The following ANKRD40 variants were observed in gnomAD, a reference collection of about 807,000 sequenced individuals.
ANKRD40 encodes ankyrin repeat domain 40, also known as ankyrin repeat domain-containing protein 40.
In ANKRD40, 24 loss-of-function variants were observed where a neutral mutation model predicts 35.5. The ratio of observed to expected loss-of-function variants is 0.68; its 90% CI spans 0.49 to 0.95. The LOEUF (loss-of-function observed/expected upper bound fraction) is 0.95, where lower values mean the gene tolerates loss of function less well. Ranked by LOEUF, ANKRD40 falls within the 40% of genes least tolerant of loss-of-function variation. ANKRD40 has a pLI of 0.00. For missense variants in ANKRD40, 361 were observed against 436.0 expected, an observed-to-expected ratio of 0.83 and a Z score of 1.53; for synonymous variants, 147 against 173.5, an observed-to-expected ratio of 0.85 and a Z score of 1.20.
chr17:50,700,219 G>A (rs1013117185), intron 2 of ANKRD40: 6 of 262,670 alleles, frequency 2.3e-5, no homozygotes, highest in South Asian at 9.8e-5. Flanking sequence ...TGAGGCTGGC[G>A]GATCACCTGA....
In ANKRD40 at chr17:50,707,440, G is replaced by C; in HGVS notation, c.134+81C>G. 6.5e-7 allele frequency: 1 copy of C among 1,534,992 alleles called. No individual in the cohort carries two copies. The highest frequency in any genetic ancestry group is 8.8e-7 in the Non-Finnish European group (1 of 1,140,428). On this transcript the variant is annotated intron_variant, in intron 1 of 4. Transcript: ENST00000285243. The surrounding 1 kb of genome is among the most constrained non-coding windows in gnomAD (Gnocchi z 4.8). ...GCCTCGCCGTAGCCAGGCGTCCCGC[G>C]CTGGGCCCAGGTCGCGACTGACTGC...
rs1361512798 is a variant in ANKRD40 at position 50,707,868 on chromosome 17, C to G, written c.-214G>C. 6.0e-6 allele frequency: 1 copy of G among 165,900 alleles called. No individual in the cohort carries two copies. Among genetic ancestry groups the G allele is most frequent in the Non-Finnish European group, 1.3e-5 (1 of 79,238 alleles). The allele number at this position is 165,900 out of a possible 1,614,324, so 10.3% of individuals were successfully genotyped here. A position where few individuals can be genotyped will look rare whatever the true frequency, so the allele number is the denominator to read the frequency against. ...GCTCCCGGCCCGCAGGCCCAGGCCT[C>G]CTCCCGGGCCGCGCCTCCCGAAGGC... is the stretch of plus-strand genomic sequence containing the variant. On this transcript the variant is annotated 5_prime_UTR_variant, in exon 1 of 5. Coordinates refer to ENST00000285243, the MANE Select transcript of ANKRD40 (RefSeq NM_052855.4). The surrounding 1 kb of genome is among the most constrained non-coding windows in gnomAD (Gnocchi z 4.8).
chr17:50,706,903 CAAAAAA>C (rs35024672), intron 1 of ANKRD40, among the ~76,000 whole-genome samples: 111 of 37,976 alleles, frequency 2.9e-3, no homozygotes, highest in African/African-American at 7.3e-3. Context: ...GACCCTGTCT[CAAAAAA>C]AAAAAAAAAA....
chr17:50,695,563 A>G lies in ANKRD40; in HGVS notation c.*434T>C, dbSNP rs114631536. On this transcript the variant is annotated 3_prime_UTR_variant, in exon 5 of 5. Transcript: ENST00000285243. ...GTGCTTTCCCGAGTCTTCCTCTCTC[A>G]TAAGTTCCCAATGTCAGCAGAGTTG... 981 of 156,402 alleles carry G rather than the reference A, an allele frequency of 6.3e-3. 10 individuals carry two copies. The highest frequency in any genetic ancestry group is 0.023 in the African/African-American group (949 of 41,590). 9.7% of individuals were successfully genotyped at this position (156,402 alleles called of 1,614,324 possible).
chr17:50,702,157 C>T (rs920114717), intron 1 of ANKRD40, among the ~76,000 whole-genome samples: 2 of 152,132 alleles, frequency 1.3e-5, no homozygotes, highest in African/African-American at 4.8e-5. Flanking sequence ...GTAATCCCAG[C>T]ACTTAGGGAG....
At chr17:50,696,724 C>T in intron 4 of ANKRD40, 1 of 383,178 alleles carries the variant, frequency 2.6e-6, no homozygotes, top group Non-Finnish European at 4.5e-6. Flanking sequence ...TGTCTTTGTT[C>T]CTTCTCCACT....
At chr17:50,705,686 G>A (rs1968327012) in intron 1 of ANKRD40, among the ~76,000 whole-genome samples, 1 of 142,132 alleles carries the variant, frequency 7.0e-6, no homozygotes, top group South Asian at 2.2e-4. Flanking sequence ...TTTTGAGACA[G>A]AGTCTCGCTC....
intron 1 of ANKRD40, among the ~76,000 whole-genome samples, chr17:50,704,930 C>T (rs899711788): frequency 2.0e-5 from 3 of 151,626 alleles, no homozygotes; most frequent in Admixed American, 1.3e-4. Context: ...CTGGCTAACA[C>T]GGTGAAACCC....
At chr17:50,696,794 T>G in intron 4 of ANKRD40, 146 bp downstream of exon 4, 1 of 765,498 alleles carries the variant, frequency 1.3e-6, no homozygotes, top group Non-Finnish European at 1.9e-6. Context: ...ATAGACTCAG[T>G]AGAAGGAAAT....
chr17:50,704,022 T>C (rs984615654), intron 1 of ANKRD40, among the ~76,000 whole-genome samples: 3 of 151,744 alleles, frequency 2.0e-5, no homozygotes, highest in Admixed American at 2.0e-4. Flanking sequence ...GCTCATAGAA[T>C]TGGCTGACTG....
rs985691165 is a variant in ANKRD40, at chr17:50,693,986, T to A, written c.*2011A>T. ...TCTCTACTAAAATACAGAAATTAGC[T>A]GGGCATGGTGGCACATGCTTGTAAT... On this transcript the variant is annotated 3_prime_UTR_variant, in exon 5 of 5. Coordinates refer to ENST00000285243, the MANE Select transcript of ANKRD40 (RefSeq NM_052855.4). 9 of 151,694 alleles carry A rather than the reference T, an allele frequency of 5.9e-5. No individual in the cohort carries two copies. Among genetic ancestry groups the A allele is most frequent in the Non-Finnish European group, 5.9e-5 (4 of 67,958 alleles). 9.4% of individuals were successfully genotyped at this position (151,694 alleles called of 1,614,324 possible). A position where few individuals can be genotyped will look rare whatever the true frequency, so the allele number is the denominator to read the frequency against.
Position 50,707,483 on chromosome 17 carries a change from G to A in ANKRD40, c.134+38C>T. 1 of 1,588,836 alleles carries A rather than the reference G, an allele frequency of 6.3e-7. No homozygotes were observed. Among genetic ancestry groups the A allele is most frequent in the Non-Finnish European group, 8.6e-7 (1 of 1,167,916 alleles). On this transcript the variant is annotated intron_variant, in intron 1 of 4. Coordinates refer to ENST00000285243, the MANE Select transcript of ANKRD40 (RefSeq NM_052855.4). This position sits in a 1 kb window ranked among gnomAD's most constrained non-coding sequence, Gnocchi z 4.8. Reference sequence around the variant, plus strand: ...CTGACTGCCCCACGCCTTCCGACCGGCTGCCCTGACCCTAGGCCTCCCCCG... The same window carrying A: ...CTGACTGCCCCACGCCTTCCGACCGACTGCCCTGACCCTAGGCCTCCCCCG...
At chr17:50,702,492 C>T (rs1198914391) in intron 1 of ANKRD40, among the ~76,000 whole-genome samples, 2 of 151,918 alleles carry the variant, frequency 1.3e-5, no homozygotes, top group East Asian at 3.9e-4. Flanking sequence ...TCTGGGCAAA[C>T]TGGAACCTTG....
rs1405538733 is a variant in ANKRD40 at position 50,693,433 on chromosome 17, T to A, written c.*2564A>T. On this transcript the variant is annotated 3_prime_UTR_variant, in exon 5 of 5. Coordinates refer to ENST00000285243, the MANE Select transcript of ANKRD40 (RefSeq NM_052855.4). The stretch of plus-strand genomic sequence containing the variant: ...CATAGATTAAGACTTTAAACTCACC[T>A]ACCAGCAACTGTGCAGTCTTATTCC... 6.6e-6 allele frequency: 1 copy of A among 152,252 alleles called. No homozygotes were observed. The highest frequency in any genetic ancestry group is 1.5e-5 in the Non-Finnish European group (1 of 68,048). 9.4% of individuals were successfully genotyped at this position (152,252 alleles called of 1,614,324 possible). A position where few individuals can be genotyped will look rare whatever the true frequency, so the allele number is the denominator to read the frequency against.
At chr17:50,703,631 G>A (rs1968295386) in intron 1 of ANKRD40, among the ~76,000 whole-genome samples, 1 of 152,124 alleles carries the variant, frequency 6.6e-6, no homozygotes, top group African/African-American at 2.4e-5. Context: ...CTTGAATCAG[G>A]ACTGTCTGGT....
At chr17:50,700,531 C>T (rs760301749) in intron 2 of ANKRD40, 37 bp downstream of exon 2, 3 of 1,606,250 alleles carry the variant, frequency 1.9e-6, no homozygotes, top group Non-Finnish European at 1.7e-6. Context: ...TTCAATGAGT[C>T]TGAGGAAATC....
At chr17:50,705,500 T>C (rs1968322823) in intron 1 of ANKRD40, among the ~76,000 whole-genome samples, 2 of 151,834 alleles carry the variant, frequency 1.3e-5, no homozygotes, top group Admixed American at 6.6e-5. Context: ...CTGTTTTCTT[T>C]AGGGAAATTA....
intron 3 of ANKRD40, among the ~76,000 whole-genome samples, chr17:50,698,985 C>CAAAAAAAAA (rs5820829): frequency 8.5e-3 from 571 of 66,892 alleles, no homozygotes; most frequent in Middle Eastern, 0.025. Context: ...ACTAAAAATA[C>CAAAAAAAAA]AAAAAAAAAA....
Position 50,699,829 on chromosome 17 carries a change from T to G in ANKRD40, c.348A>C (p.Glu116Asp), listed in dbSNP as rs759087532. ...DNLPQLKKES[E>D]LPFVPNYLAN... Reference sequence around the variant, plus strand: ...CCAAATAGTTGGGAACAAAGGGCAGTTCTGACTCCTTCTTCAGCTGGGGGA... The same window carrying G: ...CCAAATAGTTGGGAACAAAGGGCAGGTCTGACTCCTTCTTCAGCTGGGGGA... Residue 116 changes from glutamate to aspartate, a missense_variant, in exon 3 of 5, where the codon GAA becomes GAC. This residue lies in a region of ANKRD40 where 172 missense variants were observed against 174.0 expected (regional missense o/e 0.99). Transcript: ENST00000285243. 1.2e-5 allele frequency: 19 copies of G among 1,535,360 alleles called. No individual in the cohort carries two copies. In the Admixed American group the frequency reaches 3.0e-4, roughly 24 times the overall value.
Sources: gnomAD v4.1 joint callset for allele counts (sites outside exome capture counted in the v4.1 genomes callset) on GRCh38, gnomAD v4.1.1 for gene constraint, gnomAD v4.1.1 regional missense constraint, Gnocchi (gnomAD v3.1) non-coding constraint, MANE v1.5 for transcripts, NCBI Gene and HGNC (gene_info 2026-07-23, HGNC 2026-07-21) for gene names.